The following LDB2 variants were observed in gnomAD, a reference collection of about 807,000 sequenced individuals.
The protein encoded by LDB2 is LIM domain-binding protein 2.
Under a neutral mutation model 44.3 loss-of-function variants are expected in LDB2, and 12 were observed. The observed-to-expected ratio is 0.27, with a 90% CI of 0.17 to 0.44. The LOEUF is 0.44. LDB2 is among the 20% of genes least tolerant of loss of function. LDB2 has a pLI of 1.00. For synonymous variants in LDB2, 164 were observed against 174.8 expected, an observed-to-expected ratio of 0.94 and a Z score of 0.49; for missense variants, 344 against 473.5, an observed-to-expected ratio of 0.73 and a Z score of 2.54.
At chr4:16,619,864 C>A (rs1728392607) in intron 2 of LDB2, among the ~76,000 whole-genome samples, 1 of 140,474 alleles carries the variant, frequency 7.1e-6, no homozygotes, top group African/African-American at 2.6e-5. Context: ...TCTTCTTTTA[C>A]CAGAGAAGTT....
At chr4:16,636,279 G>T (rs1039873017) in intron 2 of LDB2, among the ~76,000 whole-genome samples, 3 of 152,138 alleles carry the variant, frequency 2.0e-5, no homozygotes, top group Non-Finnish European at 4.4e-5. Flanking sequence ...GGTGCATAAG[G>T]AAAACCACAC....
intron 1 of LDB2, among the ~76,000 whole-genome samples, chr4:16,793,465 A>G (rs1291734811): frequency 6.6e-6 from 1 of 152,076 alleles, no homozygotes; most frequent in African/African-American, 2.4e-5. Flanking sequence ...AAACCGTCAA[A>G]CCATCAGCTC....
chr4:16,774,465 C>T (rs1200653364), intron 1 of LDB2, among the ~76,000 whole-genome samples: 30 of 152,136 alleles, frequency 2.0e-4, no homozygotes, highest in Non-Finnish European at 1.9e-4. Context: ...CTGTGCACTG[C>T]ATGGATGGAG....
rs948905437 is a variant in LDB2 at position 16,759,523 on chromosome 4, A to C, written c.133-263T>G. ...AGGATATATTTGGGGAGATTTAATAAATGTGCTATAAAACACAATGTGATG... is the reference window on the plus strand; with the variant it reads ...AGGATATATTTGGGGAGATTTAATACATGTGCTATAAAACACAATGTGATG... On this transcript the variant is annotated intron_variant, in intron 1 of 7. Coordinates refer to ENST00000304523, the MANE Select transcript of LDB2 (RefSeq NM_001290.5). The C allele has an allele frequency of 6.8e-5, 28 of 413,342 alleles. No homozygotes were observed. The Admixed American group carries it at 9.3e-4, about 14-fold the overall frequency. 25.6% of individuals were successfully genotyped at this position (413,342 alleles called of 1,614,324 possible).
intron 1 of LDB2, among the ~76,000 whole-genome samples, chr4:16,843,911 C>G (rs899588610): frequency 2.6e-5 from 4 of 152,004 alleles, no homozygotes; most frequent in African/African-American, 9.7e-5. Flanking sequence ...AGCTGCCACG[C>G]CCAGCAAATT....
At chr4:16,754,358 T>A (rs1766071978) in intron 2 of LDB2, among the ~76,000 whole-genome samples, 1 of 152,228 alleles carries the variant, frequency 6.6e-6, no homozygotes, top group African/African-American at 2.4e-5. Flanking sequence ...CATTGTTCAC[T>A]TGATAAGTCC....
intron 2 of LDB2, among the ~76,000 whole-genome samples, chr4:16,645,543 C>CAAAAAAAA (rs34869059): frequency 1.2e-5 from 1 of 85,486 alleles, no homozygotes; most frequent in African/African-American, 4.7e-5. Context: ...GACTCCGTCT[C>CAAAAAAAA]AAAAAAAAAA....
At chr4:16,618,166 C>T (rs771320127) in intron 2 of LDB2, among the ~76,000 whole-genome samples, 3 of 152,104 alleles carry the variant, frequency 2.0e-5, no homozygotes, top group African/African-American at 4.8e-5. Flanking sequence ...TAGACTACAC[C>T]TGGGGAGGAG....
At chr4:16,625,742 G>A (rs1339542731) in intron 2 of LDB2, among the ~76,000 whole-genome samples, 1 of 152,170 alleles carries the variant, frequency 6.6e-6, no homozygotes, top group African/African-American at 2.4e-5. Context: ...CCCAAAGCCT[G>A]CTAATTTCCA....
intron 2 of LDB2, among the ~76,000 whole-genome samples, chr4:16,642,706 T>C (rs546998516): frequency 6.6e-6 from 1 of 152,274 alleles, no homozygotes; most frequent in South Asian, 2.1e-4. Context: ...CCCATGGACC[T>C]TTCTCTTAAG....
intron 5 of LDB2, among the ~76,000 whole-genome samples, chr4:16,529,932 G>C (rs1027725861): frequency 1.3e-5 from 2 of 152,114 alleles, no homozygotes; most frequent in Admixed American, 6.6e-5. Context: ...ATGCCCTCTG[G>C]AGCAGTGAGA....
intron 2 of LDB2, chr4:16,726,636 G>T (rs1235449490): frequency 6.6e-6 from 1 of 152,160 alleles, no homozygotes; most frequent in Non-Finnish European, 1.5e-5. Flanking sequence ...AGCTGTTTAA[G>T]CCACCTTAGC....
At chr4:16,892,714 T>C (rs1471268033) in intron 1 of LDB2, among the ~76,000 whole-genome samples, 1 of 152,120 alleles carries the variant, frequency 6.6e-6, no homozygotes, top group African/African-American at 2.4e-5. Context: ...TCATGAAAAA[T>C]GAGTTAATGT....
chr4:16,731,320 T>C (rs368554794), intron 2 of LDB2, among the ~76,000 whole-genome samples: 3 of 152,162 alleles, frequency 2.0e-5, no homozygotes, highest in Non-Finnish European at 2.9e-5. Flanking sequence ...GGTTCACTTA[T>C]TGCTATGAAC....
chr4:16,739,680 G>A lies in LDB2; in HGVS notation c.235+19478C>T, dbSNP rs6832502. Among the ~76,000 whole-genome samples, 67 of 38,588 alleles carry A rather than the reference G, an allele frequency of 1.7e-3. 8 individuals carry two copies. Among genetic ancestry groups the A allele is most frequent in the African/African-American group, 6.2e-3 (60 of 9,624 alleles). The allele number at this position is 38,588 out of a possible 152,430, so 25.3% of individuals were successfully genotyped here. On this transcript the variant is annotated intron_variant, in intron 2 of 7. Coordinates refer to ENST00000304523, the MANE Select transcript of LDB2 (RefSeq NM_001290.5). ...TATATATGTATATATACATATGTGT[G>A]TATATATGTATATATACATATATGT... is the stretch of plus-strand genomic sequence containing the variant.
At chr4:16,704,978 G>A (rs1387805548) in intron 2 of LDB2, among the ~76,000 whole-genome samples, 1 of 152,138 alleles carries the variant, frequency 6.6e-6, no homozygotes, top group Non-Finnish European at 1.5e-5. Flanking sequence ...TTTTTTTGAT[G>A]CATGAGGATC....
intron 2 of LDB2, among the ~76,000 whole-genome samples, chr4:16,667,947 C>A (rs1002347254): frequency 5.9e-5 from 9 of 152,174 alleles, no homozygotes; most frequent in African/African-American, 2.2e-4. Flanking sequence ...CACAACCTCT[C>A]ATCACAGACA....
At chr4:16,505,346 TGA>T (rs144504489) in intron 7 of LDB2, among the ~76,000 whole-genome samples, 112 of 151,174 alleles carry the variant, frequency 7.4e-4, no homozygotes, top group African/African-American at 2.5e-3. Flanking sequence ...TGTGTGTGTG[TGA>T]GAGAGAGAGA....
At chr4:16,622,493 T>C (rs1041619316) in intron 2 of LDB2, among the ~76,000 whole-genome samples, 2 of 152,196 alleles carry the variant, frequency 1.3e-5, no homozygotes, top group Admixed American at 6.5e-5. Flanking sequence ...TCAGGATACC[T>C]TGGGGATTAA....
Sources: allele counts gnomAD v4.1 joint callset (sites outside exome capture counted in the v4.1 genomes callset), GRCh38; gene constraint gnomAD v4.1.1; transcripts MANE v1.5; gene names NCBI Gene and HGNC (gene_info 2026-07-23, HGNC 2026-07-21).